The following THRB variants were observed in gnomAD, a reference collection of about 807,000 sequenced individuals.
THRB encodes thyroid hormone receptor beta, also known as nuclear receptor subfamily 1 group A member 2.
Under a neutral mutation model 47.8 loss-of-function variants are expected in THRB, and 12 were observed. The observed-to-expected ratio is 0.25, with a 90% CI of 0.16 to 0.41. THRB has a LOEUF of 0.41. Among genes scored for constraint, THRB ranks in the 10% least tolerant of loss-of-function variants. The pLI is 1.00. For synonymous variants in THRB, 218 were observed against 212.2 expected (o/e 1.03, Z -0.24); for missense variants, 348 against 589.2 (o/e 0.59, Z 4.24).
rs114833451 is a variant in THRB, at chr3:24,215,247, G to A, written c.22+13691C>T. Among the ~76,000 whole-genome samples the A allele has an allele frequency of 8.5e-3, 1,300 of 152,292 alleles. 15 individuals carry two copies. Among genetic ancestry groups the A allele is most frequent in the Middle Eastern group, 0.037 (11 of 294 alleles). ...TACCATAGGACTTGACATGTAGTAG[G>A]CTCTCAGTAAGTGTTTACTAAATGA... is the stretch of plus-strand genomic sequence containing the variant. On this transcript the variant is annotated intron_variant, in intron 4 of 10. Coordinates refer to ENST00000646209, the MANE Select transcript of THRB (RefSeq NM_001354712.2).
At position 24,207,162 on chromosome 3, in the gene THRB, T is replaced by C. The variant is rs112468065; in HGVS notation, c.23-16828A>G. Among the ~76,000 whole-genome samples the C allele has an allele frequency of 7.9e-3, 1,205 of 152,310 alleles. 16 individuals carry two copies. The highest frequency in any genetic ancestry group is 0.027 in the African/African-American group (1,115 of 41,558). ...TTATTTTATGAAGCCAGCATCATCC[T>C]GATACCAAAGCCTGGCCGAGACACA... is the stretch of plus-strand genomic sequence containing the variant. On this transcript the variant is annotated intron_variant, in intron 4 of 10. Transcript: ENST00000646209.
chr3:24,200,215 A>G (rs570637625), intron 4 of THRB, among the ~76,000 whole-genome samples: 48 of 152,330 alleles, frequency 3.2e-4, no homozygotes, highest in African/African-American at 1.2e-3. Context: ...AAAAGTTCAG[A>G]GCATAATGTT....
At chr3:24,201,240 C>T (rs768272782) in intron 4 of THRB, among the ~76,000 whole-genome samples, 9 of 151,794 alleles carry the variant, frequency 5.9e-5, no homozygotes, top group East Asian at 1.9e-4. Flanking sequence ...TTAGAGTTGG[C>T]GAGGTTGGGG....
chr3:24,164,045 T>C (rs1232283542), intron 5 of THRB, among the ~76,000 whole-genome samples: 4 of 152,154 alleles, frequency 2.6e-5, no homozygotes, highest in African/African-American at 4.8e-5. Flanking sequence ...TTGTAAATTA[T>C]AGAAACTCGT....
chr3:24,139,859 T>C (rs765124341), intron 8 of THRB, among the ~76,000 whole-genome samples: 4 of 152,238 alleles, frequency 2.6e-5, no homozygotes, highest in African/African-American at 4.8e-5. Flanking sequence ...ATTTTTATAC[T>C]ATTGTTAACA....
At chr3:24,472,612 T>C (rs538220520) in intron 1 of THRB, among the ~76,000 whole-genome samples, 2 of 152,354 alleles carry the variant, frequency 1.3e-5, no homozygotes, top group South Asian at 4.1e-4. Flanking sequence ...GTGGAAAGAA[T>C]GCCAACAGCA....
At chr3:24,235,688 C>T (rs9829876) in intron 3 of THRB, among the ~76,000 whole-genome samples, 82,381 of 151,696 alleles carry the variant, frequency 0.54, 22,590 homozygotes, top group Middle Eastern at 0.7. Context: ...ATGAGTGTGA[C>T]GTTATTACAT....
At chr3:24,127,382 A>G (rs2033055891) in intron 10 of THRB, 117 bp downstream of exon 10, 5 of 1,119,416 alleles carry the variant, frequency 4.5e-6, no homozygotes, top group Non-Finnish European at 6.6e-6. Flanking sequence ...TTCTTACTGA[A>G]GAAGAGTGAG....
chr3:24,443,226 G>T (rs34342126), intron 1 of THRB, among the ~76,000 whole-genome samples: 4,412 of 152,150 alleles, frequency 0.029, 91 homozygotes, highest in Non-Finnish European at 0.044. Context: ...GGTATAATAT[G>T]AATTACCAAA....
chr3:24,271,524 G>C (rs1007991974), intron 3 of THRB, among the ~76,000 whole-genome samples: 6 of 152,184 alleles, frequency 3.9e-5, no homozygotes, highest in African/African-American at 1.4e-4. Flanking sequence ...CACTGAACTT[G>C]ATCAGGGATG....
In THRB at chr3:24,220,772, A is replaced by T. The variant is rs184429924; in HGVS notation, c.22+8166T>A. On this transcript the variant is annotated intron_variant, in intron 4 of 10. Coordinates refer to ENST00000646209, the MANE Select transcript of THRB (RefSeq NM_001354712.2). ...TCCTTGGAAATGCAGCATGAAAAAGACAAAGAACTTCAGTCAAGGTTAAAC... is the reference window on the plus strand; with the variant it reads ...TCCTTGGAAATGCAGCATGAAAAAGTCAAAGAACTTCAGTCAAGGTTAAAC... 1.5e-3 allele frequency among the ~76,000 whole-genome samples: 225 copies of T among 151,282 alleles called. 1 individual carries two copies. The highest frequency in any genetic ancestry group is 9.0e-3 in the South Asian group (43 of 4,766).
chr3:24,398,159 G>C (rs958805370), intron 1 of THRB, among the ~76,000 whole-genome samples: 1 of 152,028 alleles, frequency 6.6e-6, no homozygotes, highest in Non-Finnish European at 1.5e-5. Flanking sequence ...AATGGATTGA[G>C]GTGGGGCAAA....
At chr3:24,243,081 A>G (rs1308163202) in intron 3 of THRB, among the ~76,000 whole-genome samples, 2 of 151,548 alleles carry the variant, frequency 1.3e-5, no homozygotes, top group African/African-American at 2.4e-5. Context: ...AAAAAAAAAA[A>G]AAAAAAAAAA....
chr3:24,294,668 T>C (rs756696092), intron 3 of THRB, among the ~76,000 whole-genome samples: 4 of 152,192 alleles, frequency 2.6e-5, no homozygotes, highest in African/African-American at 7.2e-5. Flanking sequence ...ACGGAGACAA[T>C]AGTAGGGCAA....
chr3:24,133,327 T>A lies in THRB; in HGVS notation c.874A>T (p.Met292Leu). The A allele has an allele frequency of 6.2e-7, 1 of 1,614,154 alleles. No homozygotes were observed. Among genetic ancestry groups the A allele is most frequent in the African/African-American group, 1.3e-5 (1 of 75,064 alleles). ...AACAACATCCTCACCTCACAAAACA[T>A]AGGCAACTTTTTGGCAAAATCCACC... ...RVVDFAKKLP[M>L]FCELPCEDQI... Residue 292 changes from methionine (M) to leucine (L), a missense_variant, in exon 9 of 11, where the codon ATG becomes TTG. Around this residue, in one of 5 missense-constraint regions of THRB, gnomAD observed 45 missense variants for 156.2 expected, o/e 0.29. Transcript: ENST00000646209.
At chr3:24,446,204 G>T (rs1306740972) in intron 1 of THRB, among the ~76,000 whole-genome samples, 1 of 152,114 alleles carries the variant, frequency 6.6e-6, no homozygotes, top group African/African-American at 2.4e-5. Context: ...GGAAGCCTTC[G>T]CCTTTTATGT....
chr3:24,275,979 C>T (rs1371138481), intron 3 of THRB, among the ~76,000 whole-genome samples: 1 of 152,032 alleles, frequency 6.6e-6, no homozygotes, highest in Non-Finnish European at 1.5e-5. Context: ...TTCCCAGAAA[C>T]TGAAATGTCC....
chr3:24,178,152 C>A (rs556812260), intron 5 of THRB, among the ~76,000 whole-genome samples: 3 of 152,136 alleles, frequency 2.0e-5, no homozygotes, highest in Non-Finnish European at 2.9e-5. Flanking sequence ...TTCTTCTAAC[C>A]CAGTAAGATA....
chr3:24,215,191 TA>T (rs57931196), intron 4 of THRB, among the ~76,000 whole-genome samples: 6 of 152,106 alleles, frequency 3.9e-5, no homozygotes, highest in African/African-American at 1.4e-4. Flanking sequence ...TCTGTGCCTT[TA>T]AAAAAAATCT....
Sources: allele counts gnomAD v4.1 joint callset (sites outside exome capture counted in the v4.1 genomes callset), GRCh38; gene constraint gnomAD v4.1.1; regional missense constraint gnomAD v4.1.1; transcripts MANE v1.5; gene names NCBI Gene and HGNC (gene_info 2026-07-23, HGNC 2026-07-21).